Variants in TLN2 observed in about 807,000 individuals in gnomAD.
The protein encoded by TLN2 is talin 2, also known as talin-2.
Under a neutral mutation model 294.7 loss-of-function variants are expected in TLN2, and 118 were observed. The observed-to-expected ratio is 0.40, with a 90% CI of 0.34 to 0.47. The LOEUF is 0.47. Among genes scored for constraint, TLN2 ranks in the 20% least tolerant of loss-of-function variants. The probability of loss-of-function intolerance (pLI) is 0.84; values close to 1 mark genes in which losing one functional copy is unlikely to be tolerated. For missense variants in TLN2, 3,083 were observed against 3,282.2 expected (o/e 0.94, Z 1.48); for synonymous variants, 1,431 against 1,304.5 (o/e 1.10, Z -2.09).
intron 1 of TLN2, among the ~76,000 whole-genome samples, chr15:62,411,100 C>T (rs1422991087): frequency 6.6e-6 from 1 of 152,112 alleles, no homozygotes; most frequent in Non-Finnish European, 1.5e-5. Flanking sequence ...ACAAAACAGA[C>T]CTGAGCCCTG....
At position 62,766,369 on chromosome 15, in the gene TLN2, A is replaced by G. The variant is rs2063004586; in HGVS notation, c.5143A>G (p.Ile1715Val). 1.9e-6 allele frequency: 3 copies of G among 1,613,120 alleles called. No homozygotes were observed. The highest frequency in any genetic ancestry group is 4.5e-5 in the East Asian group (2 of 44,854). ...TSVVQEIGHL[I>V]DPIATAARGE... The stretch of plus-strand genomic sequence containing the variant: ...GGTGGTCCAGGAAATCGGACACCTT[A>G]TCGATCCCATCGCCACAGCGGCTCG... The change falls in exon 41 of 59, where the codon ATC (isoleucine) becomes GTC (valine). Residue 1715 changes from isoleucine to valine, a missense_variant. Transcript: ENST00000636159.
intron 3 of TLN2, among the ~76,000 whole-genome samples, chr15:62,620,645 AT>A (rs1224393154): frequency 1.3e-5 from 2 of 151,518 alleles, no homozygotes; most frequent in Non-Finnish European, 2.9e-5. Context: ...TGCCTGGCTA[AT>A]TTTGTAAAAT....
chr15:62,797,222 G>C lies in TLN2; in HGVS notation c.6054G>C (p.Glu2018Asp), dbSNP rs746904073. Residue 2018 changes from glutamate (E) to aspartate (D), a missense_variant, in exon 48 of 59, where the codon GAG becomes GAC. Coordinates refer to ENST00000636159, the MANE Select transcript of TLN2 (RefSeq NM_015059.3). ...CCTGCCCTCCTGGCTCTCTCAGGGA[G>C]AACATTCTCAAGACGGCCAAGGCCT... ...ENSETFADHRENILKTAKALV... is the reference protein window; with the variant it reads ...ENSETFADHRDNILKTAKALV... The C allele has an allele frequency of 6.2e-7, 1 of 1,614,106 alleles. No individual in the cohort carries two copies. The highest frequency in any genetic ancestry group is 8.5e-7 in the Non-Finnish European group (1 of 1,180,034).
chr15:62,595,155 G>A (rs1175615928), intron 2 of TLN2, among the ~76,000 whole-genome samples: 1 of 152,178 alleles, frequency 6.6e-6, no homozygotes, highest in African/African-American at 2.4e-5. Context: ...GGGTGCGGTG[G>A]CTCACGCCTG....
chr15:62,510,152 A>G (rs903983465), intron 1 of TLN2, among the ~76,000 whole-genome samples: 19 of 152,328 alleles, frequency 1.2e-4, no homozygotes, highest in African/African-American at 4.6e-4. Context: ...ATGTGGTCCC[A>G]GTACCCCAAA....
intron 57 of TLN2, among the ~76,000 whole-genome samples, chr15:62,837,624 C>T (rs1390154901): frequency 2.6e-5 from 4 of 152,192 alleles, no homozygotes; most frequent in African/African-American, 7.2e-5. Flanking sequence ...CAGGAGTTCC[C>T]TGGGGCTAGA....
rs1567138877 is a variant in TLN2 at position 62,582,241 on chromosome 15, CACA to C, written c.-237-7445_-237-7443del. 2.5e-3 allele frequency among the ~76,000 whole-genome samples: 364 copies of C among 146,622 alleles called. 9 individuals are homozygous for C. The highest frequency in any genetic ancestry group is 7.9e-3 in the African/African-American group (311 of 39,220). The stretch of plus-strand genomic sequence containing the variant: ...ACACACACACACACACACACACACA[CACA>C]CACATTCATGCCTGACCCATTCCTG... On this transcript the variant is annotated intron_variant, in intron 1 of 58. Coordinates refer to ENST00000636159, the MANE Select transcript of TLN2 (RefSeq NM_015059.3).
rs372009887 is a variant in TLN2, at chr15:62,781,297, G to A, written c.5616+56G>A. On this transcript the variant is annotated intron_variant, in intron 44 of 58. Transcript: ENST00000636159. ...GTTGTTTGCCTTTTTATCCACTGCC[G>A]CCGCTGAGCCTGCAAATCCCAGATC... 82 of 1,352,058 alleles carry A rather than the reference G, an allele frequency of 6.1e-5. No homozygotes were observed. In the African/African-American group the frequency reaches 7.7e-4, roughly 13 times the overall value. 83.8% of individuals were successfully genotyped at this position (1,352,058 alleles called of 1,614,324 possible). A position where few individuals can be genotyped will look rare whatever the true frequency, so the allele number is the denominator to read the frequency against.
chr15:62,656,100 T>C lies in TLN2; in HGVS notation c.660+14T>C. The C allele has an allele frequency of 6.2e-7, 1 of 1,612,772 alleles. No homozygotes were observed. The highest frequency in any genetic ancestry group is 1.3e-5 in the African/African-American group (1 of 75,024). ...CTTTATGTTCAGGTACAGTATTTAC[T>C]GCTCAGACACTGAGGTTGGTGAGAT... On this transcript the variant is annotated intron_variant, in intron 8 of 58. Coordinates refer to ENST00000636159, the MANE Select transcript of TLN2 (RefSeq NM_015059.3).
intron 1 of TLN2, among the ~76,000 whole-genome samples, chr15:62,506,776 T>A (rs1047612466): frequency 6.6e-6 from 1 of 152,266 alleles, no homozygotes; most frequent in Middle Eastern, 3.2e-3. Context: ...GATTCCACTC[T>A]TGTTGTAGAG....
At chr15:62,673,804 C>G in intron 9 of TLN2, 23 bp from the exon 10 acceptor site, 1 of 1,599,416 alleles carries the variant, frequency 6.3e-7, no homozygotes, top group Non-Finnish European at 8.5e-7. Flanking sequence ...AATGCCTTTC[C>G]TTTTTAAATG....
chr15:62,731,698 A>G (rs1421400651), intron 28 of TLN2, among the ~76,000 whole-genome samples: 3 of 152,226 alleles, frequency 2.0e-5, no homozygotes, highest in Non-Finnish European at 4.4e-5. Context: ...AAATGCCTTT[A>G]GAGAAAAAGC....
intron 1 of TLN2, among the ~76,000 whole-genome samples, chr15:62,396,410 T>G (rs1326590164): frequency 6.6e-6 from 1 of 152,254 alleles, no homozygotes; most frequent in Non-Finnish European, 1.5e-5. Flanking sequence ...CTGATGCCTC[T>G]CATTGTAATC....
chr15:62,708,838 A>T (rs564158279), intron 21 of TLN2, 42 bp downstream of exon 21: 2 of 1,559,472 alleles, frequency 1.3e-6, no homozygotes, highest in African/African-American at 1.3e-5. Context: ...GTGGCTTTTG[A>T]TGTTCCTGAT....
intron 18 of TLN2, 69 bp from the exon 19 acceptor site, chr15:62,702,697 A>G (rs1378771296): frequency 1.4e-5 from 20 of 1,459,860 alleles, no homozygotes; most frequent in South Asian, 9.1e-5. Context: ...TACTTCCTGT[A>G]CTTCCATGTC....
rs1245994003 is a variant in TLN2 at position 62,825,813 on chromosome 15, T to A, written c.7002+5203T>A. Among the ~76,000 whole-genome samples the A allele has an allele frequency of 6.0e-3, 19 of 3,186 alleles. 1 individual carries two copies. Among genetic ancestry groups the A allele is most frequent in the South Asian group, 0.027 (3 of 110 alleles). 2.1% of individuals were successfully genotyped at this position (3,186 alleles called of 152,430 possible). On this transcript the variant is annotated intron_variant, in intron 54 of 58. Transcript: ENST00000636159. The stretch of plus-strand genomic sequence containing the variant: ...ATTATAATATATATTATATATTATA[T>A]TATAATATATATTATAATATATAAT...
chr15:62,821,693 T>C (rs143941155), intron 54 of TLN2, among the ~76,000 whole-genome samples: 39 of 152,308 alleles, frequency 2.6e-4, no homozygotes, highest in African/African-American at 9.4e-4. Context: ...AGATGTAACT[T>C]AAGGATTTGG....
chr15:62,736,734 T>G, intron 28 of TLN2, 144 bp from the exon 29 acceptor site: 1 of 908,996 alleles, frequency 1.1e-6, no homozygotes, highest in Non-Finnish European at 1.7e-6. Flanking sequence ...GCTACTTCTT[T>G]GAGAAACACA....
At chr15:62,694,612 G>A (rs140361259) in intron 14 of TLN2, among the ~76,000 whole-genome samples, 126 of 152,312 alleles carry the variant, frequency 8.3e-4, no homozygotes, top group Middle Eastern at 3.4e-3. Flanking sequence ...ATTGACCAAG[G>A]TGTGGCATTT....
Sources: gnomAD v4.1 joint callset for allele counts (sites outside exome capture counted in the v4.1 genomes callset) on GRCh38, gnomAD v4.1.1 for gene constraint, MANE v1.5 for transcripts, NCBI Gene and HGNC (gene_info 2026-07-23, HGNC 2026-07-21) for gene names.